Variants in CCNY observed in about 807,000 individuals in gnomAD.
CCNY encodes the protein cyclin Y.
CCNY carries 19 observed loss-of-function variants against 42.8 expected under a neutral mutation model. The observed-to-expected ratio is 0.44, with a 90% CI of 0.31 to 0.65. CCNY has a LOEUF of 0.65. CCNY is among the 30% of genes least tolerant of loss of function. The pLI, the probability that CCNY is intolerant of heterozygous loss-of-function variation, is 0.07. For synonymous variants in CCNY, 165 were observed against 162.7 expected, an observed-to-expected ratio of 1.01 and a Z score of -0.11; for missense variants, 370 against 437.3, an observed-to-expected ratio of 0.85 and a Z score of 1.37.
chr10:35,352,220 T>C (rs1181759865), intron 1 of CCNY, among the ~76,000 whole-genome samples: 1 of 152,138 alleles, frequency 6.6e-6, no homozygotes, highest in Admixed American at 6.5e-5. Flanking sequence ...TTGCTATAGA[T>C]AGAGGTTATG....
intron 1 of CCNY, among the ~76,000 whole-genome samples, chr10:35,455,617 C>T (rs1484855402): frequency 2.0e-5 from 3 of 152,046 alleles, no homozygotes; most frequent in African/African-American, 7.3e-5. Flanking sequence ...ACCGAACATT[C>T]ATAAGGCTCA....
At chr10:35,438,199 A>T (rs1356505311) in intron 1 of CCNY, among the ~76,000 whole-genome samples, 2 of 143,210 alleles carry the variant, frequency 1.4e-5, no homozygotes, top group East Asian at 2.0e-4. Flanking sequence ...CCCAGGCTGG[A>T]GTGTAGTGGT....
intron 1 of CCNY, among the ~76,000 whole-genome samples, chr10:35,368,969 G>C (rs1836870424): frequency 6.6e-6 from 1 of 152,202 alleles, no homozygotes; most frequent in African/African-American, 2.4e-5. Context: ...TTCAGAAGTT[G>C]TTCAGTTTCT....
intron 1 of CCNY, among the ~76,000 whole-genome samples, chr10:35,407,689 T>C (rs1837810611): frequency 6.6e-6 from 1 of 152,126 alleles, no homozygotes; most frequent in African/African-American, 2.4e-5. Flanking sequence ...TTTTAAGTTC[T>C]TGAGAACACA....
At chr10:35,519,774 TTC>T (rs1840507312) in intron 4 of CCNY, among the ~76,000 whole-genome samples, 1 of 137,300 alleles carries the variant, frequency 7.3e-6, no homozygotes, top group African/African-American at 2.8e-5. Context: ...TTCTTTTCTT[TTC>T]TTTTTTTTTT....
intron 3 of CCNY, among the ~76,000 whole-genome samples, chr10:35,310,006 T>C (rs1329127200): frequency 1.3e-5 from 2 of 151,916 alleles, no homozygotes; most frequent in Non-Finnish European, 2.9e-5. Flanking sequence ...TTCACCATGT[T>C]AGCCAGGATG....
chr10:35,480,604 A>G (rs762879813), intron 1 of CCNY, among the ~76,000 whole-genome samples: 1 of 152,126 alleles, frequency 6.6e-6, no homozygotes, highest in Non-Finnish European at 1.5e-5. Context: ...TGTGTTGGAG[A>G]GGCAGTCCAG....
At chr10:35,325,247 C>T (rs1024059474) in intron 3 of CCNY, among the ~76,000 whole-genome samples, 5 of 152,160 alleles carry the variant, frequency 3.3e-5, no homozygotes, top group African/African-American at 7.2e-5. Context: ...GGCATGATCT[C>T]GGCTCACTGC....
intron 7 of CCNY, among the ~76,000 whole-genome samples, chr10:35,548,558 C>T (rs181020997): frequency 1.8e-3 from 270 of 152,152 alleles, no homozygotes; most frequent in Admixed American, 3.7e-3. Flanking sequence ...GGCCTCCCGA[C>T]GTGCTGGGAT....
intron 8 of CCNY, 129 bp from the exon 9 acceptor site, chr10:35,565,894 T>A: frequency 1.1e-6 from 1 of 905,698 alleles, no homozygotes; most frequent in Admixed American, 2.4e-5. Context: ...TAACCAGACA[T>A]TTACTTAGAT....
chr10:35,286,081 G>T (rs964986969), intron 3 of CCNY, among the ~76,000 whole-genome samples: 1 of 151,936 alleles, frequency 6.6e-6, no homozygotes, highest in Non-Finnish European at 1.5e-5. Context: ...CAAAGTGCTG[G>T]GATTACAGGC....
At chr10:35,449,939 C>T (rs1838880370) in intron 1 of CCNY, 1 of 253,464 alleles carries the variant, frequency 3.9e-6, no homozygotes, top group Non-Finnish European at 6.2e-6. Context: ...TGGGACCAGT[C>T]AGCAGGATTC....
chr10:35,405,555 AC>A (rs1837739713), intron 1 of CCNY, among the ~76,000 whole-genome samples: 1 of 152,180 alleles, frequency 6.6e-6, no homozygotes, highest in Admixed American at 6.5e-5. Context: ...CCAAGTTGGC[AC>A]CAGAATTGGG....
At chr10:35,285,795 G>A (rs1277467718) in intron 3 of CCNY, among the ~76,000 whole-genome samples, 1 of 145,918 alleles carries the variant, frequency 6.9e-6, no homozygotes, top group Non-Finnish European at 1.5e-5. Flanking sequence ...TATGGATGTG[G>A]TTGGATTTAG....
intron 7 of CCNY, among the ~76,000 whole-genome samples, chr10:35,549,098 A>ACC (rs1262659685): frequency 1.6e-3 from 68 of 42,930 alleles, no homozygotes; most frequent in Admixed American, 2.7e-3. Context: ...CTCACCACCC[A>ACC]CCCCACCCCC....
chr10:35,338,522 A>T (rs1383306197), intron 1 of CCNY, among the ~76,000 whole-genome samples: 2 of 152,218 alleles, frequency 1.3e-5, no homozygotes, highest in Non-Finnish European at 2.9e-5. Flanking sequence ...AAATTTATGC[A>T]TTTAAAGGCA....
At chr10:35,452,175 T>C (rs1838932671) in intron 1 of CCNY, among the ~76,000 whole-genome samples, 1 of 152,194 alleles carries the variant, frequency 6.6e-6, no homozygotes, top group Non-Finnish European at 1.5e-5. Flanking sequence ...TTTTTACATA[T>C]TGAAGTTGCA....
At chr10:35,495,032 C>A (rs1839978964) in intron 2 of CCNY, among the ~76,000 whole-genome samples, 4 of 152,178 alleles carry the variant, frequency 2.6e-5, no homozygotes. Context: ...TTTTGGATTT[C>A]ACATTTTTGG....
At chr10:35,268,627 T>A (rs2095728046) in intron 3 of CCNY, among the ~76,000 whole-genome samples, 2 of 152,226 alleles carry the variant, frequency 1.3e-5, no homozygotes, top group Non-Finnish European at 2.9e-5. Context: ...ACCCCTTCCC[T>A]GTGGCAGTCC....
Sources: allele counts gnomAD v4.1 joint callset (sites outside exome capture counted in the v4.1 genomes callset), GRCh38; gene constraint gnomAD v4.1.1; transcripts MANE v1.5; gene names NCBI Gene and HGNC (gene_info 2026-07-23, HGNC 2026-07-21).